CLPB: variants seen among roughly 807,000 people sequenced by gnomAD.
The protein encoded by CLPB is mitochondrial disaggregase.
CLPB carries 40 observed loss-of-function variants against 78.4 expected under a neutral mutation model. The observed-to-expected ratio is 0.51, with a 90% CI of 0.40 to 0.66. CLPB has a LOEUF of 0.66. Among genes scored for constraint, CLPB ranks in the 30% least tolerant of loss-of-function variants. The pLI is 0.00. For missense variants in CLPB, 780 were observed against 886.9 expected, an observed-to-expected ratio of 0.88 and a Z score of 1.53; for synonymous variants, 333 against 348.0, an observed-to-expected ratio of 0.96 and a Z score of 0.48.
chr11:72,342,980 C>T (rs1207965622), intron 5 of CLPB, among the ~76,000 whole-genome samples: 2 of 152,216 alleles, frequency 1.3e-5, no homozygotes, highest in African/African-American at 4.8e-5. Flanking sequence ...GGGTTGTCTA[C>T]GAGACCCCAA....
At chr11:72,425,023 C>CCGAGAT (rs1305786508) in intron 2 of CLPB, among the ~76,000 whole-genome samples, 3 of 152,202 alleles carry the variant, frequency 2.0e-5, no homozygotes, top group African/African-American at 7.2e-5. Context: ...TTGCAGTGAG[C>CCGAGAT]CGAGATCGTG....
chr11:72,326,348 C>T (rs555745100), intron 6 of CLPB, among the ~76,000 whole-genome samples: 1 of 152,256 alleles, frequency 6.6e-6, no homozygotes, highest in East Asian at 1.9e-4. Flanking sequence ...TTGCCTGTCT[C>T]CCTATCAGAC....
At chr11:72,297,921 T>C (rs1190304209) in intron 11 of CLPB, among the ~76,000 whole-genome samples, 1 of 151,832 alleles carries the variant, frequency 6.6e-6, no homozygotes, top group East Asian at 1.9e-4. Flanking sequence ...ACCCAAAGGG[T>C]GACTTTCAGT....
intron 6 of CLPB, among the ~76,000 whole-genome samples, chr11:72,319,889 T>C (rs1259052617): frequency 1.3e-5 from 2 of 152,206 alleles, no homozygotes; most frequent in East Asian, 1.9e-4. Context: ...TTGTTTTTGG[T>C]ACTGGAATCC....
Position 72,289,897 on chromosome 11 carries a change from G to C in CLPB, c.*3470C>G, listed in dbSNP as rs550243254. 1 of 152,246 alleles carries C rather than the reference G, an allele frequency of 6.6e-6. No individual in the cohort carries two copies. The highest frequency in any genetic ancestry group is 2.1e-4 in the South Asian group (1 of 4,826). The allele number at this position is 152,246 out of a possible 1,614,324, so 9.4% of individuals were successfully genotyped here. ...GGCTCACGGTTTTTAATAACATACA[G>C]ATGGATAGAATAATAAATTCAGGTG... is the stretch of plus-strand genomic sequence containing the variant. On this transcript the variant is annotated 3_prime_UTR_variant, in exon 16 of 16. Transcript: ENST00000538039.
intron 5 of CLPB, chr11:72,337,092 AAG>A: frequency 2.5e-6 from 1 of 398,596 alleles, no homozygotes; most frequent in East Asian, 3.6e-5. Context: ...GGGGCTACTC[AAG>A]TCAGAGCCAA....
chr11:72,377,076 G>A (rs891608535), intron 4 of CLPB, among the ~76,000 whole-genome samples: 3 of 152,156 alleles, frequency 2.0e-5, no homozygotes, highest in African/African-American at 7.2e-5. Flanking sequence ...TTTTTGGAAA[G>A]CGTTATTAGA....
At chr11:72,361,707 C>A (rs1950842626) in intron 4 of CLPB, among the ~76,000 whole-genome samples, 1 of 152,218 alleles carries the variant, frequency 6.6e-6, no homozygotes. Context: ...TGATAGTTGG[C>A]TCAAGAAAGC....
rs540503518 is a variant in CLPB at position 72,294,775 on chromosome 11, GA to G, written c.1487-83del. On this transcript the variant is annotated intron_variant, in intron 12 of 15. Transcript: ENST00000538039. ...GTGCCTGCCCCTTGGCCTGCCCATG[GA>G]AAGAGCCCTGGTCCTGTCCATCTGT... 297 of 1,138,596 alleles carry G rather than the reference GA, an allele frequency of 2.6e-4. 5 individuals carry two copies. The East Asian group carries it at 6.9e-3, about 26-fold the overall frequency. 70.5% of individuals were successfully genotyped at this position (1,138,596 alleles called of 1,614,324 possible).
In CLPB at chr11:72,371,643, C is replaced by A. The variant is rs1951045101; in HGVS notation, c.646+8638G>T. On this transcript the variant is annotated intron_variant, in intron 4 of 15. Transcript: ENST00000538039. ...TGTTGCCCAGGCTGGTCTTGAACAC[C>A]TGGGCTCAAGCAGTCCTCCTGGTTT... is the stretch of plus-strand genomic sequence containing the variant. Among the ~76,000 whole-genome samples, 3 of 152,062 alleles carry A rather than the reference C, an allele frequency of 2.0e-5. No homozygotes were observed. The South Asian group carries it at 6.2e-4, about 32-fold the overall frequency.
At chr11:72,360,280 GT>G (rs1221715496) in intron 4 of CLPB, among the ~76,000 whole-genome samples, 1 of 152,118 alleles carries the variant, frequency 6.6e-6, no homozygotes, top group Non-Finnish European at 1.5e-5. Flanking sequence ...GGATAAAGGG[GT>G]ACACTCAGTC....
chr11:72,378,956 T>C (rs1452026522), intron 4 of CLPB, among the ~76,000 whole-genome samples: 1 of 152,172 alleles, frequency 6.6e-6, no homozygotes. Flanking sequence ...GAAGCCTTTG[T>C]GGAGGATCTA....
At chr11:72,359,148 G>A (rs746995937) in intron 4 of CLPB, 140 bp from the exon 5 acceptor site, 25 of 1,327,988 alleles carry the variant, frequency 1.9e-5, no homozygotes, top group Non-Finnish European at 1.1e-6. Flanking sequence ...TATGTTCCTG[G>A]CCATCTGTGC....
intron 4 of CLPB, among the ~76,000 whole-genome samples, chr11:72,360,257 C>T (rs978460175): frequency 2.0e-5 from 3 of 152,220 alleles, no homozygotes; most frequent in Non-Finnish European, 4.4e-5. Context: ...ACAGGTTCCT[C>T]TTACCTCTCA....
chr11:72,349,593 A>C (rs1175879873), intron 5 of CLPB, among the ~76,000 whole-genome samples: 1 of 152,206 alleles, frequency 6.6e-6, no homozygotes, highest in African/African-American at 2.4e-5. Context: ...CAGCCTTGGA[A>C]GGGGCTTTTG....
chr11:72,424,149 G>A (rs1447707464), intron 2 of CLPB, among the ~76,000 whole-genome samples: 1 of 152,228 alleles, frequency 6.6e-6, no homozygotes, highest in Non-Finnish European at 1.5e-5. Context: ...GTTCATCCAT[G>A]TTGTAGCACG....
chr11:72,374,425 G>C (rs938794063), intron 4 of CLPB, among the ~76,000 whole-genome samples: 1 of 152,152 alleles, frequency 6.6e-6, no homozygotes, highest in African/African-American at 2.4e-5. Context: ...TCTTTCTCTA[G>C]GACACCAATG....
chr11:72,339,725 C>A (rs1950385121), intron 5 of CLPB, among the ~76,000 whole-genome samples: 2 of 152,070 alleles, frequency 1.3e-5, no homozygotes, highest in Non-Finnish European at 2.9e-5. Flanking sequence ...AGTTCCTGAT[C>A]CAGTTGAGGG....
chr11:72,411,180 G>A (rs1284713322), intron 2 of CLPB, among the ~76,000 whole-genome samples: 2 of 152,242 alleles, frequency 1.3e-5, no homozygotes, highest in African/African-American at 2.4e-5. Flanking sequence ...CTCGGGGTCT[G>A]AATGAATGAA....
Sources: gnomAD v4.1 joint callset for allele counts (sites outside exome capture counted in the v4.1 genomes callset) on GRCh38, gnomAD v4.1.1 for gene constraint, MANE v1.5 for transcripts, NCBI Gene and HGNC (gene_info 2026-07-23, HGNC 2026-07-21) for gene names.